The following SHANK2 variants were observed in gnomAD, a reference collection of about 807,000 sequenced individuals.
SHANK2 encodes the protein SH3 and multiple ankyrin repeat domains 2.
In SHANK2, 43 loss-of-function variants were observed where a neutral mutation model predicts 133.7. The observed-to-expected ratio is 0.32, with a 90% confidence interval of 0.25 to 0.41. SHANK2 has a LOEUF of 0.41. Among genes scored for constraint, SHANK2 ranks in the 10% least tolerant of loss-of-function variants. SHANK2 has a pLI of 1.00. For missense variants in SHANK2, 1,994 were observed against 2,235.8 expected (o/e 0.89, Z 2.18); for synonymous variants, 1,017 against 952.8 (o/e 1.07, Z -1.24).
intron 12 of SHANK2, among the ~76,000 whole-genome samples, chr11:70,816,484 AAG>A: frequency 6.6e-6 from 1 of 152,298 alleles, no homozygotes; most frequent in East Asian, 1.9e-4. Flanking sequence ...GGTAACCAGA[AAG>A]AGCTCTGGGT....
chr11:70,551,550 G>A (rs1283893327), intron 17 of SHANK2, among the ~76,000 whole-genome samples: 1 of 152,222 alleles, frequency 6.6e-6, no homozygotes, highest in Non-Finnish European at 1.5e-5. Context: ...GCCATGGCCT[G>A]CATTCCAGGC....
chr11:70,705,801 A>T (rs1945650217), intron 14 of SHANK2: 1 of 152,276 alleles, frequency 6.6e-6, no homozygotes. Context: ...AGCAGTTACT[A>T]CCACTCTAGT....
At chr11:70,926,913 A>G (rs1224342196) in intron 10 of SHANK2, among the ~76,000 whole-genome samples, 1 of 152,154 alleles carries the variant, frequency 6.6e-6, no homozygotes, top group Non-Finnish European at 1.5e-5. Context: ...CCATGGTCTG[A>G]CCCACTCGAG....
intron 14 of SHANK2, among the ~76,000 whole-genome samples, chr11:70,704,435 A>C (rs992796960): frequency 6.6e-6 from 1 of 152,202 alleles, no homozygotes; most frequent in African/African-American, 2.4e-5. Flanking sequence ...GCTGACCCTC[A>C]GGAGGCCAAG....
At chr11:71,085,328 C>T (rs996887744) in intron 8 of SHANK2, among the ~76,000 whole-genome samples, 11 of 150,390 alleles carry the variant, frequency 7.3e-5, no homozygotes, top group Admixed American at 1.4e-4. Context: ...TGGTGGCACA[C>T]GCCTCTAATC....
At position 70,472,212 on chromosome 11, in the gene SHANK2, C is replaced by A. The variant is rs781051427; in HGVS notation, c.*657G>T. 7.8e-5 allele frequency: 12 copies of A among 153,550 alleles called. No homozygotes were observed. The highest frequency in any genetic ancestry group is 8.7e-5 in the Non-Finnish European group (6 of 68,802). 9.5% of individuals were successfully genotyped at this position (153,550 alleles called of 1,614,324 possible). A position where few individuals can be genotyped will look rare whatever the true frequency, so the allele number is the denominator to read the frequency against. ...CTGGGCACGATCCCATCCAAACTCC[C>A]AGCACTGCCAGGAACCTCATGGCCA... On this transcript the variant is annotated 3_prime_UTR_variant, in exon 26 of 26. Coordinates refer to ENST00000601538, the MANE Select transcript of SHANK2 (RefSeq NM_012309.5). The surrounding 1 kb of genome is among the most constrained non-coding windows in gnomAD (Gnocchi z 4.4).
At chr11:70,502,763 C>CT in intron 18 of SHANK2, 33 bp downstream of exon 18, 1 of 1,124,586 alleles carries the variant, frequency 8.9e-7, no homozygotes, top group African/African-American at 1.7e-5. Context: ...CAGTAGGGCC[C>CT]CAGGCTGGAG....
chr11:70,862,933 T>C (rs1590770089), intron 11 of SHANK2: 1 of 271,040 alleles, frequency 3.7e-6, no homozygotes, highest in East Asian at 9.4e-5. Flanking sequence ...GTCTTGGGGC[T>C]CTTGGTCTCA....
At chr11:71,076,691 G>A (rs1462802711) in intron 8 of SHANK2, among the ~76,000 whole-genome samples, 5 of 152,096 alleles carry the variant, frequency 3.3e-5, no homozygotes, top group South Asian at 2.1e-4. Flanking sequence ...CTCCACCTGC[G>A]TTTGCCTTTG....
chr11:70,846,647 G>A (rs1949001712), intron 11 of SHANK2, among the ~76,000 whole-genome samples: 1 of 152,138 alleles, frequency 6.6e-6, no homozygotes, highest in Non-Finnish European at 1.5e-5. Context: ...ACAGACCCCA[G>A]GTGCCTAACG....
At chr11:70,497,726 C>A (rs1730585581) in intron 21 of SHANK2, among the ~76,000 whole-genome samples, 1 of 152,244 alleles carries the variant, frequency 6.6e-6, no homozygotes, top group African/African-American at 2.4e-5. Flanking sequence ...CTAGAGAAAT[C>A]TTGCCACTGC....
At chr11:70,624,028 A>G (rs2060869610) in intron 17 of SHANK2, among the ~76,000 whole-genome samples, 1 of 151,736 alleles carries the variant, frequency 6.6e-6, no homozygotes, top group South Asian at 2.1e-4. Flanking sequence ...GAGCCATGGG[A>G]GGCAGGGCAC....
chr11:70,633,318 G>T (rs2134100649), intron 17 of SHANK2, among the ~76,000 whole-genome samples: 1 of 150,726 alleles, frequency 6.6e-6, no homozygotes, highest in African/African-American at 2.4e-5. Flanking sequence ...AAAATCCTGA[G>T]TTCATAATGA....
chr11:70,568,650 C>CCG (rs368097963), intron 17 of SHANK2, among the ~76,000 whole-genome samples: 1 of 124,862 alleles, frequency 8.0e-6, no homozygotes, highest in East Asian at 2.7e-4. Flanking sequence ...ATTCCTGCCC[C>CCG]CCCCGCCCAC....
chr11:70,590,115 T>C (rs868987360), intron 17 of SHANK2, among the ~76,000 whole-genome samples: 11 of 152,150 alleles, frequency 7.2e-5, no homozygotes, highest in African/African-American at 2.4e-4. Context: ...AGATCAGAGA[T>C]TGCGTCACTG....
intron 2 of SHANK2, among the ~76,000 whole-genome samples, chr11:71,177,481 G>A (rs1291102506): frequency 6.6e-6 from 1 of 152,106 alleles, no homozygotes; most frequent in Non-Finnish European, 1.5e-5. Context: ...GTAAGATAAA[G>A]ATTTATGCTA....
chr11:70,646,344 G>C (rs552698310), intron 17 of SHANK2: 95 of 152,388 alleles, frequency 6.2e-4, no homozygotes, highest in African/African-American at 2.2e-3. Context: ...GCTTCCCAAG[G>C]CAAAGTGCCC....
In SHANK2 at chr11:70,868,886, C is replaced by A. The variant is rs140942392; in HGVS notation, c.1174+27615G>T. On this transcript the variant is annotated intron_variant, in intron 11 of 25. Transcript: ENST00000601538. ...GGGGAGGGCGTCCTGCAGTTAGAAGCCACATCCAGGTGGGCGCTGAGTGCT... is the reference window on the plus strand; with the variant it reads ...GGGGAGGGCGTCCTGCAGTTAGAAGACACATCCAGGTGGGCGCTGAGTGCT... Among the ~76,000 whole-genome samples the A allele has an allele frequency of 3.8e-3, 586 of 152,320 alleles. 6 individuals are homozygous for A. The highest frequency in any genetic ancestry group is 0.017 in the Middle Eastern group (5 of 294).
At chr11:71,150,780 G>T (rs1237068533) in intron 2 of SHANK2, among the ~76,000 whole-genome samples, 7 of 152,066 alleles carry the variant, frequency 4.6e-5, no homozygotes, top group African/African-American at 7.2e-5. Flanking sequence ...CGTGGAGTGG[G>T]TGGGGGCAGG....
Sources: gnomAD v4.1 joint callset for allele counts (sites outside exome capture counted in the v4.1 genomes callset) on GRCh38, gnomAD v4.1.1 for gene constraint, Gnocchi (gnomAD v3.1) non-coding constraint, MANE v1.5 for transcripts, NCBI Gene and HGNC (gene_info 2026-07-23, HGNC 2026-07-21) for gene names.